Variants in TSPAN10 observed in about 807,000 individuals in gnomAD.
TSPAN10 encodes tetraspanin-10.
A neutral mutation model predicts 15.0 loss-of-function variants in TSPAN10; 11 were observed. The observed-to-expected ratio is 0.73, with a 90% CI of 0.46 to 1.21. The LOEUF (loss-of-function observed/expected upper bound fraction) is 1.21, where lower values mean the gene tolerates loss of function less well. TSPAN10 is among the 50% of genes most tolerant of loss of function. The probability of loss-of-function intolerance (pLI) is 0.00; values close to 1 mark genes in which losing one functional copy is unlikely to be tolerated. For synonymous variants in TSPAN10, 241 were observed against 226.2 expected, an observed-to-expected ratio of 1.07 and a Z score of -0.59; for missense variants, 486 against 470.6, an observed-to-expected ratio of 1.03 and a Z score of -0.30.
chr17:81,647,226 C>G (rs1003264077), intron 2 of TSPAN10, among the ~76,000 whole-genome samples: 43 of 152,122 alleles, frequency 2.8e-4, no homozygotes, highest in African/African-American at 1.0e-3. Context: ...GTCGTGATGC[C>G]ACGTCTGCTG....
upstream of TSPAN10, among the ~76,000 whole-genome samples, chr17:81,642,078 G>C (rs1022477876): frequency 1.8e-5 from 2 of 108,176 alleles, no homozygotes; most frequent in Admixed American, 2.1e-4. Context: ...CCGCATGGGG[G>C]GCTGCAGTGA....
At chr17:81,639,704 C>T (rs1309587157), upstream of TSPAN10, among the ~76,000 whole-genome samples, 9 of 151,744 alleles carry the variant, frequency 5.9e-5, no homozygotes, top group South Asian at 1.5e-3. Flanking sequence ...GTCATCCCAG[C>T]GCGGTGGCTC....
At chr17:81,640,070 C>G (rs1253585716), upstream of TSPAN10, among the ~76,000 whole-genome samples, 2 of 152,112 alleles carry the variant, frequency 1.3e-5, no homozygotes, top group Non-Finnish European at 2.9e-5. Context: ...GTAGCCTCGA[C>G]TTCCCAGGCT....
chr17:81,637,575 G>A, upstream of TSPAN10: 1 of 536,020 alleles, frequency 1.9e-6, no homozygotes, highest in South Asian at 2.3e-5. Flanking sequence ...AAGGTGGACG[G>A]ATCACCTGAG....
At chr17:81,638,554 T>TC (rs1240422375), upstream of TSPAN10, 1 of 152,258 alleles carries the variant, frequency 6.6e-6, no homozygotes, top group East Asian at 1.9e-4. Flanking sequence ...CACCTGGGCC[T>TC]CCCCAAAGTG....
intron 2 of TSPAN10, 143 bp downstream of exon 3, chr17:81,645,772 C>T (rs778196946): frequency 7.5e-6 from 8 of 1,073,560 alleles, no homozygotes; most frequent in South Asian, 1.4e-5. Flanking sequence ...CACATGTACA[C>T]GCATATCCAC....
chr17:81,639,373 A>G (rs138520089), upstream of TSPAN10, among the ~76,000 whole-genome samples: 177 of 151,758 alleles, frequency 1.2e-3, 1 homozygote, highest in African/African-American at 4.2e-3. Context: ...ACGCCCGGCT[A>G]ATTTTTATAT....
intron 2 of TSPAN10, chr17:81,647,655 A>G: frequency 1.5e-6 from 1 of 651,728 alleles, no homozygotes; most frequent in East Asian, 2.7e-5. Flanking sequence ...CCTGCTAGTC[A>G]ACACAGCCAC....
Position 81,648,012 on chromosome 17 carries a change from C to T in TSPAN10, c.786C>T (p.Val262=), listed in dbSNP as rs935261474. Residue 262 remains valine, a synonymous_variant, in exon 3 of 3, where the codon GTC becomes GTT. Transcript: ENST00000611590. ...TCAACGACCAGTGCGGCTTCGGGGTCCTGCGCCTGGATGCGGACGCAGCTC... is the reference window on the plus strand; with the variant it reads ...TCAACGACCAGTGCGGCTTCGGGGTTCTGCGCCTGGATGCGGACGCAGCTC... 1.9e-6 allele frequency: 3 copies of T among 1,609,350 alleles called. No individual in the cohort carries two copies. In the African/African-American group the frequency reaches 4.0e-5, roughly 21 times the overall value.
exon 1 of TSPAN10, chr17:81,637,331 CA>C: frequency 6.0e-6 from 4 of 663,750 alleles, no homozygotes; most frequent in East Asian, 2.8e-5. Flanking sequence ...AAGTCTCACC[CA>C]AAAATAACTA....
chr17:81,643,268 G>C (rs2036199225), intron 1 of TSPAN10, among the ~76,000 whole-genome samples: 1 of 149,116 alleles, frequency 6.7e-6, no homozygotes. Flanking sequence ...AAAGTGCTGG[G>C]ATTACAGGCA....
intron 2 of TSPAN10, chr17:81,646,052 G>T: frequency 3.4e-6 from 1 of 296,396 alleles, no homozygotes; most frequent in South Asian, 3.2e-5. Flanking sequence ...AGGGCCAGGA[G>T]GACTACCCAG....
At chr17:81,648,140 A>G (rs948834626) in exon 3 of TSPAN10, 4 of 1,529,104 alleles carry the variant, frequency 2.6e-6, no homozygotes, top group Admixed American at 2.0e-5. Context: ...GTGCTGCTGC[A>G]GGGCGCGGAG....
At chr17:81,637,244 C>T (rs750997400) in exon 1 of TSPAN10, 3 of 499,050 alleles carry the variant, frequency 6.0e-6, no homozygotes, top group South Asian at 5.7e-5. Flanking sequence ...AAAGTTGCGT[C>T]TGAGATTACT....
intron 2 of TSPAN10, chr17:81,647,625 A>G (rs928228090): frequency 3.0e-6 from 2 of 656,608 alleles, no homozygotes; most frequent in African/African-American, 1.8e-5. Flanking sequence ...TCCCCCTTCA[A>G]CCGTCTCACT....
chr17:81,645,283 A>G (rs1431694743), exon 2 of TSPAN10: 1 of 1,533,548 alleles, frequency 6.5e-7, no homozygotes, highest in Admixed American at 2.2e-5. Context: ...GTCTCTGGGA[A>G]GTGATCTGGG....
chr17:81,645,229 C>T, exon 2 of TSPAN10: 1 of 1,539,510 alleles, frequency 6.5e-7, no homozygotes, highest in Non-Finnish European at 8.7e-7. Flanking sequence ...CCTGCTGGGG[C>T]TGCTGGCCCT....
At chr17:81,645,461 C>T (rs1034273280) in exon 2 of TSPAN10, 1 of 1,586,632 alleles carries the variant, frequency 6.3e-7, no homozygotes, top group Non-Finnish European at 8.5e-7. Context: ...GTGGCGGGGG[C>T]CCTGGTGGTG....
At chr17:81,637,207 C>A in exon 1 of TSPAN10, 1 of 468,290 alleles carries the variant, frequency 2.1e-6, no homozygotes, top group Non-Finnish European at 3.8e-6. Context: ...CCCCCGCCAT[C>A]CCTGCAACTG....
Sources: gnomAD v4.1 joint callset for allele counts (sites outside exome capture counted in the v4.1 genomes callset) on GRCh38, gnomAD v4.1.1 for gene constraint, MANE v1.5 for transcripts, NCBI Gene and HGNC (gene_info 2026-07-23, HGNC 2026-07-21) for gene names.